Variants in KCNT2 observed in about 807,000 individuals in gnomAD.
The protein encoded by KCNT2 is potassium channel subfamily T member 2.
KCNT2 carries 67 observed loss-of-function variants against 153.8 expected under a neutral mutation model. The ratio of observed to expected loss-of-function variants is 0.44; its 90% CI spans 0.36 to 0.53. The LOEUF (loss-of-function observed/expected upper bound fraction) is 0.53, where lower values mean the gene tolerates loss of function less well. Ranked by LOEUF, KCNT2 falls within the 20% of genes least tolerant of loss-of-function variation. The pLI is 0.00. For synonymous variants in KCNT2, 500 were observed against 458.8 expected, an observed-to-expected ratio of 1.09 and a Z score of -1.15; for missense variants, 975 against 1,354.8, an observed-to-expected ratio of 0.72 and a Z score of 4.40.
At chr1:196,587,675 A>C (rs1052932583) in intron 1 of KCNT2, among the ~76,000 whole-genome samples, 2 of 152,116 alleles carry the variant, frequency 1.3e-5, no homozygotes, top group African/African-American at 4.8e-5. Context: ...TCAATAGAAA[A>C]AAAATTACTT....
At chr1:196,511,158 A>G (rs1010086147) in intron 1 of KCNT2, among the ~76,000 whole-genome samples, 3 of 137,174 alleles carry the variant, frequency 2.2e-5, no homozygotes, top group Non-Finnish European at 3.2e-5. Context: ...CACACACACA[A>G]CTTTTTAAAA....
chr1:196,273,164 C>G (rs1375252124), intron 25 of KCNT2, among the ~76,000 whole-genome samples: 1 of 151,720 alleles, frequency 6.6e-6, no homozygotes, highest in African/African-American at 2.4e-5. Context: ...GTTTTCTAAT[C>G]ACTTTAAAAA....
chr1:196,598,385 C>A lies in KCNT2; in HGVS notation c.95+9830G>T, dbSNP rs144643710. 5.4e-4 allele frequency among the ~76,000 whole-genome samples: 82 copies of A among 152,212 alleles called. 1 individual carries two copies. Among genetic ancestry groups the A allele is most frequent in the African/African-American group, 1.9e-3 (79 of 41,530 alleles). On this transcript the variant is annotated intron_variant, in intron 1 of 27. Coordinates refer to ENST00000294725, the MANE Select transcript of KCNT2 (RefSeq NM_198503.5). ...CATACACACACAAATAAAACCATTG[C>A]CTTAGTTTGTTTTGCTGATTTTCCA...
At chr1:196,555,703 C>A (rs1658551172) in intron 1 of KCNT2, among the ~76,000 whole-genome samples, 1 of 151,100 alleles carries the variant, frequency 6.6e-6, no homozygotes, top group South Asian at 2.1e-4. Flanking sequence ...TTATCCTAAG[C>A]AAAAATAACA....
chr1:196,317,972 A>G (rs1190720551), intron 20 of KCNT2, among the ~76,000 whole-genome samples: 4 of 151,334 alleles, frequency 2.6e-5, no homozygotes, highest in African/African-American at 9.7e-5. Context: ...TTATATTATT[A>G]TTTTTCTATT....
intron 25 of KCNT2, among the ~76,000 whole-genome samples, chr1:196,276,462 C>G (rs1310837431): frequency 6.6e-6 from 1 of 151,902 alleles, no homozygotes; most frequent in Non-Finnish European, 1.5e-5. Context: ...CAGGATTAAT[C>G]TTCCTAAAGA....
At chr1:196,591,737 T>A (rs976046601) in intron 1 of KCNT2, among the ~76,000 whole-genome samples, 1 of 152,176 alleles carries the variant, frequency 6.6e-6, no homozygotes, top group African/African-American at 2.4e-5. Flanking sequence ...GTACTTCTTA[T>A]GCATTATCCC....
chr1:196,542,249 A>C (rs908298472), intron 1 of KCNT2, among the ~76,000 whole-genome samples: 1 of 152,176 alleles, frequency 6.6e-6, no homozygotes, highest in Non-Finnish European at 1.5e-5. Flanking sequence ...GAATTTGTTA[A>C]TTACTTTTTA....
intron 23 of KCNT2, among the ~76,000 whole-genome samples, chr1:196,282,844 T>C (rs377148563): frequency 6.6e-6 from 1 of 152,004 alleles, no homozygotes; most frequent in East Asian, 1.9e-4. Context: ...GGGCCTTCTA[T>C]TTATTTATTT....
intron 8 of KCNT2, among the ~76,000 whole-genome samples, chr1:196,433,741 C>T (rs756433958): frequency 4.6e-5 from 7 of 151,878 alleles, no homozygotes; most frequent in African/African-American, 1.4e-4. Flanking sequence ...GTTCCTTTTC[C>T]GGCCTTTTAA....
At chr1:196,516,766 T>C (rs1290298090) in intron 1 of KCNT2, among the ~76,000 whole-genome samples, 1 of 152,196 alleles carries the variant, frequency 6.6e-6, no homozygotes, top group Non-Finnish European at 1.5e-5. Context: ...GGACAGATCT[T>C]CCAGAGAGAT....
chr1:196,255,605 G>T (rs1176583182), intron 26 of KCNT2, among the ~76,000 whole-genome samples: 4 of 151,826 alleles, frequency 2.6e-5, no homozygotes, highest in African/African-American at 7.2e-5. Context: ...AAGGAGCAGA[G>T]AAATTAATGG....
At chr1:196,261,206 T>C (rs933095950) in intron 25 of KCNT2, among the ~76,000 whole-genome samples, 8 of 151,954 alleles carry the variant, frequency 5.3e-5, no homozygotes, top group African/African-American at 1.4e-4. Flanking sequence ...GACCTTCTCC[T>C]GAACTCAGAG....
chr1:196,375,760 G>A lies in KCNT2; in HGVS notation c.1295-2512C>T, dbSNP rs1443176229. 4.6e-5 allele frequency among the ~76,000 whole-genome samples: 7 copies of A among 151,724 alleles called. No individual in the cohort carries two copies. In the East Asian group the frequency reaches 1.4e-3, roughly 29 times the overall value. On this transcript the variant is annotated intron_variant, in intron 13 of 27. Coordinates refer to ENST00000294725, the MANE Select transcript of KCNT2 (RefSeq NM_198503.5). ...TTGCAAAATATTTATTATAAAAAGA[G>A]AGTACTGGATCAGAGAAAATAACCA...
chr1:196,374,783 A>G (rs1668814869), intron 13 of KCNT2, among the ~76,000 whole-genome samples: 2 of 151,806 alleles, frequency 1.3e-5, no homozygotes, highest in Admixed American at 1.3e-4. Flanking sequence ...CCGGAATGTT[A>G]TTACTGTAGA....
intron 1 of KCNT2, among the ~76,000 whole-genome samples, chr1:196,517,386 T>A (rs1652727754): frequency 2.6e-5 from 4 of 152,308 alleles, no homozygotes; most frequent in African/African-American, 9.6e-5. Context: ...TCCAAACAGC[T>A]GCACTAGTCT....
intron 5 of KCNT2, 142 bp downstream of exon 5, chr1:196,479,037 A>T (rs1451623776): frequency 4.8e-6 from 3 of 622,910 alleles, no homozygotes; most frequent in African/African-American, 1.9e-5. Context: ...ACAGCTTTTT[A>T]TCAGCTACTG....
intron 8 of KCNT2, among the ~76,000 whole-genome samples, chr1:196,437,329 CA>C (rs1438714465): frequency 1.6e-5 from 2 of 123,634 alleles, no homozygotes; most frequent in Non-Finnish European, 1.7e-5. Flanking sequence ...TATACATAAA[CA>C]TATTTTTATT....
chr1:196,367,770 A>G (rs1000016775), intron 14 of KCNT2, among the ~76,000 whole-genome samples: 1 of 152,144 alleles, frequency 6.6e-6, no homozygotes, highest in Non-Finnish European at 1.5e-5. Flanking sequence ...AAAATACTTA[A>G]TGTTTCAGGA....
Sources: gnomAD v4.1 joint callset for allele counts (sites outside exome capture counted in the v4.1 genomes callset) on GRCh38, gnomAD v4.1.1 for gene constraint, MANE v1.5 for transcripts, NCBI Gene and HGNC (gene_info 2026-07-23, HGNC 2026-07-21) for gene names.